Variants in NRXN1 observed in about 807,000 individuals in gnomAD.
The protein encoded by NRXN1 is neurexin-1.
In NRXN1, 39 loss-of-function variants were observed where a neutral mutation model predicts 150.9. The ratio of observed to expected loss-of-function variants is 0.26; its 90% CI spans 0.20 to 0.34. The LOEUF (loss-of-function observed/expected upper bound fraction) is 0.34, where lower values mean the gene tolerates loss of function less well. Ranked by LOEUF, NRXN1 falls within the 10% of genes least tolerant of loss-of-function variation. The pLI is 1.00. For synonymous variants in NRXN1, 924 were observed against 757.0 expected (o/e 1.22, Z -3.62); for missense variants, 1,815 against 1,949.9 (o/e 0.93, Z 1.30).
chr2:50,828,070 T>G (rs1254289425), intron 5 of NRXN1, among the ~76,000 whole-genome samples: 4 of 151,212 alleles, frequency 2.6e-5, no homozygotes, highest in African/African-American at 7.3e-5. Context: ...CCGCTTTCTA[T>G]TCCACAAAAC....
chr2:50,031,537 T>A (rs17039682), intron 21 of NRXN1, among the ~76,000 whole-genome samples: 61,305 of 151,872 alleles, frequency 0.4, 13,043 homozygotes, highest in Middle Eastern at 0.52. Context: ...GCATTCACAA[T>A]ATATGGAATT....
At chr2:49,995,513 G>A (rs1682786051) in intron 21 of NRXN1, among the ~76,000 whole-genome samples, 1 of 152,038 alleles carries the variant, frequency 6.6e-6, no homozygotes, top group African/African-American at 2.4e-5. Flanking sequence ...CGGGCGCGGT[G>A]GCTCACGCCT....
chr2:50,828,524 G>A (rs1310797329), intron 5 of NRXN1, among the ~76,000 whole-genome samples: 2 of 150,674 alleles, frequency 1.3e-5, no homozygotes, highest in African/African-American at 4.9e-5. Context: ...GGGCGGCTGG[G>A]CAGAGACGCT....
chr2:49,986,751 C>G (rs1680982500), intron 21 of NRXN1, among the ~76,000 whole-genome samples: 1 of 152,138 alleles, frequency 6.6e-6, no homozygotes, highest in South Asian at 2.1e-4. Flanking sequence ...ACTCAAAGTC[C>G]TCTCTTCTAG....
intron 11 of NRXN1, 96 bp from the exon 12 acceptor site, chr2:50,528,747 G>C (rs1439943443): frequency 1.4e-5 from 10 of 716,598 alleles, no homozygotes; most frequent in Middle Eastern, 2.3e-4. Context: ...TCCGGGGACA[G>C]ACACATGCAA....
intron 2 of NRXN1, among the ~76,000 whole-genome samples, chr2:50,954,041 G>A (rs1691863132): frequency 6.6e-6 from 1 of 151,962 alleles, no homozygotes. Flanking sequence ...CTAAATAAAT[G>A]CACATAAAAG....
chr2:50,916,172 T>G (rs567745251), intron 5 of NRXN1, among the ~76,000 whole-genome samples: 1 of 150,826 alleles, frequency 6.6e-6, no homozygotes, highest in African/African-American at 2.4e-5. Flanking sequence ...TGAAGTCTCC[T>G]TAAGGTTGGC....
chr2:50,295,317 A>C (rs1459505425), intron 17 of NRXN1, among the ~76,000 whole-genome samples: 1 of 152,216 alleles, frequency 6.6e-6, no homozygotes, highest in African/African-American at 2.4e-5. Flanking sequence ...TAGGTCAATG[A>C]AAATCTATCC....
In NRXN1 at chr2:50,534,126, CACAT is replaced by C. The variant is rs1414505170; in HGVS notation, c.2144-2700_2144-2697del. Among the ~76,000 whole-genome samples, 17 of 146,526 alleles carry C rather than the reference CACAT, an allele frequency of 1.2e-4. No individual in the cohort carries two copies. In the East Asian group the frequency reaches 1.9e-3, roughly 16 times the overall value. ...ACACACACACACACACACACACACA[CACAT>C]ACACACACAGTGAGCTAATTTCAAT... On this transcript the variant is annotated intron_variant, in intron 10 of 22. Coordinates refer to ENST00000401669, the MANE Select transcript of NRXN1 (RefSeq NM_001330078.2).
intron 18 of NRXN1, among the ~76,000 whole-genome samples, chr2:50,148,958 G>A (rs1322850638): frequency 6.6e-6 from 1 of 151,676 alleles, no homozygotes; most frequent in Admixed American, 6.6e-5. Context: ...AATTTACAGT[G>A]TGTATAATCA....
At chr2:50,198,275 T>G (rs2061905439) in intron 18 of NRXN1, among the ~76,000 whole-genome samples, 1 of 152,134 alleles carries the variant, frequency 6.6e-6, no homozygotes, top group South Asian at 2.1e-4. Context: ...TTTAGATAAT[T>G]AAATAGGATC....
chr2:50,357,963 G>A (rs2078938345), intron 17 of NRXN1, among the ~76,000 whole-genome samples: 1 of 152,244 alleles, frequency 6.6e-6, no homozygotes, highest in Admixed American at 6.5e-5. Flanking sequence ...ACATGACCCA[G>A]GAAGCACAAG....
intron 5 of NRXN1, among the ~76,000 whole-genome samples, chr2:50,641,763 T>C (rs533961764): frequency 6.6e-6 from 1 of 152,034 alleles, no homozygotes; most frequent in Admixed American, 6.6e-5. Context: ...GTGCTCAAGG[T>C]CATAAATCTT....
At chr2:50,594,405 T>C (rs943228889) in intron 8 of NRXN1, among the ~76,000 whole-genome samples, 2 of 152,140 alleles carry the variant, frequency 1.3e-5, no homozygotes, top group Admixed American at 6.6e-5. Flanking sequence ...AAAATCAACA[T>C]GCACATCAGC....
intron 5 of NRXN1, among the ~76,000 whole-genome samples, chr2:50,645,001 G>A (rs1684616416): frequency 6.6e-6 from 1 of 151,678 alleles, no homozygotes; most frequent in South Asian, 2.1e-4. Flanking sequence ...ATATCACAGT[G>A]CATTTATAAA....
intron 18 of NRXN1, among the ~76,000 whole-genome samples, chr2:50,131,435 G>C (rs1373670857): frequency 2.6e-5 from 4 of 152,176 alleles, no homozygotes; most frequent in South Asian, 4.2e-4. Flanking sequence ...CCCTAACAAG[G>C]TCCAGTTTTG....
chr2:50,686,997 C>A (rs1328994641), intron 5 of NRXN1, among the ~76,000 whole-genome samples: 1 of 152,170 alleles, frequency 6.6e-6, no homozygotes, highest in African/African-American at 2.4e-5. Context: ...TATTCCTTTG[C>A]TGACTTATCA....
intron 18 of NRXN1, among the ~76,000 whole-genome samples, chr2:50,148,465 A>C (rs78990026): frequency 1.8e-4 from 27 of 151,708 alleles, no homozygotes; most frequent in African/African-American, 4.8e-4. Context: ...GCAAAAAAAA[A>C]CAAAGTCTAA....
intron 21 of NRXN1, among the ~76,000 whole-genome samples, chr2:49,979,375 A>T (rs1190511025): frequency 1.3e-5 from 2 of 152,214 alleles, no homozygotes; most frequent in Non-Finnish European, 2.9e-5. Flanking sequence ...TCTCTTTCCC[A>T]TGCTGATGCT....
Sources: gnomAD v4.1 joint callset for allele counts (sites outside exome capture counted in the v4.1 genomes callset) on GRCh38, gnomAD v4.1.1 for gene constraint, MANE v1.5 for transcripts, NCBI Gene and HGNC (gene_info 2026-07-23, HGNC 2026-07-21) for gene names.